Variants in PKP4 observed in about 807,000 individuals in gnomAD.
The protein encoded by PKP4 is plakophilin-4.
Under a neutral mutation model 145.1 loss-of-function variants are expected in PKP4, and 90 were observed. The observed-to-expected ratio is 0.62, with a 90% CI of 0.52 to 0.74. The LOEUF is 0.74. Ranked by LOEUF, PKP4 falls within the 30% of genes least tolerant of loss-of-function variation. The pLI is 0.00. For missense variants in PKP4, 1,340 were observed against 1,482.7 expected (o/e 0.90, Z 1.58); for synonymous variants, 563 against 577.2 (o/e 0.98, Z 0.35).
intron 6 of PKP4, among the ~76,000 whole-genome samples, chr2:158,623,383 A>G (rs1452606328): frequency 6.6e-6 from 1 of 151,864 alleles, no homozygotes; most frequent in Non-Finnish European, 1.5e-5. Flanking sequence ...GGGCCTCACT[A>G]TGTTGCCCTG....
intron 4 of PKP4, among the ~76,000 whole-genome samples, chr2:158,616,676 A>G (rs2051657484): frequency 6.6e-6 from 1 of 152,166 alleles, no homozygotes. Context: ...ATAGCAACTC[A>G]GAACAGACTC....
At chr2:158,533,583 C>A in intron 2 of PKP4, 2 of 538,464 alleles carry the variant, frequency 3.7e-6, no homozygotes, top group South Asian at 3.2e-5. Context: ...TCCCACATTG[C>A]AGAGTGTGTG....
chr2:158,480,846 C>A, intron 1 of PKP4, among the ~76,000 whole-genome samples: 1 of 152,062 alleles, frequency 6.6e-6, no homozygotes, highest in Non-Finnish European at 1.5e-5. Flanking sequence ...AAATAAACCC[C>A]ATACTCATTA....
chr2:158,472,090 A>G (rs946172296), intron 1 of PKP4, among the ~76,000 whole-genome samples: 7 of 152,212 alleles, frequency 4.6e-5, no homozygotes, highest in Admixed American at 6.5e-5. Context: ...CAAGGAATCT[A>G]TTGCACAGCA....
At chr2:158,464,563 C>G (rs2193708) in intron 1 of PKP4, among the ~76,000 whole-genome samples, 138,386 of 152,284 alleles carry the variant, frequency 0.91, 62,967 homozygotes, top group East Asian at 0.98. Context: ...ATGCAATAAG[C>G]ACATTATTTG....
intron 2 of PKP4, among the ~76,000 whole-genome samples, chr2:158,570,512 T>G (rs928715581): frequency 2.6e-5 from 4 of 152,242 alleles, no homozygotes; most frequent in Non-Finnish European, 5.9e-5. Flanking sequence ...TAGATTTTTT[T>G]GAAAGATTTT....
At chr2:158,480,041 T>TGG (rs1473201828) in intron 1 of PKP4, among the ~76,000 whole-genome samples, 1 of 152,216 alleles carries the variant, frequency 6.6e-6, no homozygotes, top group Non-Finnish European at 1.5e-5. Flanking sequence ...GAACTGCTAC[T>TGG]GCTTTACAAA....
rs544655680 is a variant in PKP4 at position 158,510,241 on chromosome 2, T to C, written c.-5-22939T>C. ...TATGACTGATCTAATATATTAAACA[T>C]TTTTCTGTAAATGTAGCAGTATAGT... is the stretch of plus-strand genomic sequence containing the variant. On this transcript the variant is annotated intron_variant, in intron 1 of 21. Coordinates refer to ENST00000389759, the MANE Select transcript of PKP4 (RefSeq NM_003628.6). Among the ~76,000 whole-genome samples the C allele has an allele frequency of 3.3e-5, 5 of 152,334 alleles. No individual in the cohort carries two copies. In the South Asian group the frequency reaches 1.0e-3, roughly 32 times the overall value.
intron 17 of PKP4, among the ~76,000 whole-genome samples, chr2:158,672,024 G>A (rs1474338484): frequency 2.6e-5 from 4 of 152,172 alleles, no homozygotes; most frequent in African/African-American, 4.8e-5. Context: ...GAGGGAAGCC[G>A]GTGGGGCTGG....
chr2:158,462,989 AGG>A (rs1690007097), intron 1 of PKP4, among the ~76,000 whole-genome samples: 1 of 152,250 alleles, frequency 6.6e-6, no homozygotes, highest in Non-Finnish European at 1.5e-5. Context: ...ACCAAATGCC[AGG>A]GAAATTATTG....
chr2:158,572,970 T>C (rs1033267405), intron 2 of PKP4, among the ~76,000 whole-genome samples: 2 of 152,216 alleles, frequency 1.3e-5, no homozygotes, highest in African/African-American at 4.8e-5. Flanking sequence ...AAACTGAAGA[T>C]GTGTGTACCT....
In PKP4 at chr2:158,498,157, T is replaced by A. The variant is rs185678210; in HGVS notation, c.-5-35023T>A. On this transcript the variant is annotated intron_variant, in intron 1 of 21. Transcript: ENST00000389759. ...TTTGACACATTTTTATTTTTTGTTATTTTTATTTTTATTTTTTTGAGATGG... is the reference window on the plus strand; with the variant it reads ...TTTGACACATTTTTATTTTTTGTTAATTTTATTTTTATTTTTTTGAGATGG... Among the ~76,000 whole-genome samples the A allele has an allele frequency of 1.4e-4, 21 of 152,260 alleles. No homozygotes were observed. In the East Asian group the frequency reaches 3.9e-3, roughly 28 times the overall value.
chr2:158,506,420 G>A (rs958620453), intron 1 of PKP4, among the ~76,000 whole-genome samples: 3 of 152,140 alleles, frequency 2.0e-5, no homozygotes, highest in African/African-American at 4.8e-5. Flanking sequence ...CGATCACCAA[G>A]GTCCTTCTCA....
intron 11 of PKP4, among the ~76,000 whole-genome samples, chr2:158,654,374 C>G (rs1028331672): frequency 6.6e-6 from 1 of 151,946 alleles, no homozygotes; most frequent in Non-Finnish European, 1.5e-5. Context: ...GAAATGAAAG[C>G]CTGAATTTCT....
At chr2:158,514,105 G>A (rs552231791) in intron 1 of PKP4, among the ~76,000 whole-genome samples, 2 of 152,282 alleles carry the variant, frequency 1.3e-5, no homozygotes, top group Admixed American at 1.3e-4. Context: ...ACCATCTGGT[G>A]TATAAATGTG....
chr2:158,467,342 C>G (rs1690781840), intron 1 of PKP4, among the ~76,000 whole-genome samples: 1 of 152,164 alleles, frequency 6.6e-6, no homozygotes, highest in African/African-American at 2.4e-5. Context: ...CTCTCCTACT[C>G]TCATCGCCTC....
At chr2:158,535,472 C>A (rs2043951707) in intron 2 of PKP4, among the ~76,000 whole-genome samples, 1 of 152,138 alleles carries the variant, frequency 6.6e-6, no homozygotes, top group Non-Finnish European at 1.5e-5. Context: ...TACAGTGTCA[C>A]CTTCTTAGCT....
At chr2:158,561,291 A>G (rs944099113) in intron 2 of PKP4, among the ~76,000 whole-genome samples, 1 of 152,202 alleles carries the variant, frequency 6.6e-6, no homozygotes, top group Non-Finnish European at 1.5e-5. Context: ...TTTTCTAGAA[A>G]AAGTTTGCCA....
chr2:158,658,150 C>A lies in PKP4; in HGVS notation c.1929C>A (p.Ser643=). The A allele has an allele frequency of 6.3e-7, 1 of 1,597,342 alleles. No individual in the cohort carries two copies. The highest frequency in any genetic ancestry group is 8.6e-7 in the Non-Finnish European group (1 of 1,168,330). Residue 643 remains serine, a synonymous_variant, in exon 12 of 22, where the codon TCC becomes TCA. Coordinates refer to ENST00000389759, the MANE Select transcript of PKP4 (RefSeq NM_003628.6). ...ELVTGVLWNL[S]SCDAVKMTII... is the part of the protein sequence containing the mutation. ...TTTTAGGAGTTCTTTGGAATTTATC[C>A]TCATGTGATGCTGTAAAAATGACAA...
Sources: allele counts gnomAD v4.1 joint callset (sites outside exome capture counted in the v4.1 genomes callset), GRCh38; gene constraint gnomAD v4.1.1; transcripts MANE v1.5; gene names NCBI Gene and HGNC (gene_info 2026-07-23, HGNC 2026-07-21).